NKD1: variants seen among roughly 807,000 people sequenced by gnomAD.
NKD1 encodes the protein protein naked cuticle homolog 1.
Under a neutral mutation model 56.0 loss-of-function variants are expected in NKD1, and 21 were observed. The observed-to-expected ratio is 0.38, with a 90% CI of 0.27 to 0.54. The LOEUF (loss-of-function observed/expected upper bound fraction) is 0.54, where lower values mean the gene tolerates loss of function less well. Ranked by LOEUF, NKD1 falls within the 20% of genes least tolerant of loss-of-function variation. The pLI is 0.82. For missense variants in NKD1, 578 were observed against 642.7 expected (o/e 0.90, Z 1.09); for synonymous variants, 263 against 265.7 (o/e 0.99, Z 0.10).
intron 4 of NKD1, among the ~76,000 whole-genome samples, chr16:50,611,187 C>T (rs1961838358): frequency 6.6e-6 from 1 of 152,202 alleles, no homozygotes; most frequent in African/African-American, 2.4e-5. Context: ...TGCTTCATCC[C>T]CCTCTCCCAT....
At chr16:50,630,155 C>G in intron 6 of NKD1, 31 bp from the exon 7 acceptor site, 1 of 1,610,478 alleles carries the variant, frequency 6.2e-7, no homozygotes, top group Non-Finnish European at 8.5e-7. Flanking sequence ...GACTGAAACC[C>G]TGCATGGGTC....
intron 3 of NKD1, among the ~76,000 whole-genome samples, chr16:50,589,709 CTTCTCTTCT>C (rs1961310039): frequency 4.0e-5 from 1 of 25,312 alleles, no homozygotes; most frequent in Admixed American, 4.3e-4. Flanking sequence ...CTTCTCTTCT[CTTCTCTTCT>C]CTTCTCTTCT....
At chr16:50,604,641 TC>T (rs894779989) in intron 3 of NKD1, among the ~76,000 whole-genome samples, 9 of 152,198 alleles carry the variant, frequency 5.9e-5, no homozygotes, top group African/African-American at 2.2e-4. Flanking sequence ...TAAAGTTCCT[TC>T]CCCAAGGTGG....
rs1244594230 is a variant in NKD1, at chr16:50,644,020, T to C, written c.*10239T>C. On this transcript the variant is annotated 3_prime_UTR_variant, in exon 10 of 10. Coordinates refer to ENST00000268459, the MANE Select transcript of NKD1 (RefSeq NM_033119.5). ...ACAGACTGTGAGAAGGATGTTTGTGTATAGGATGAGAACTGAACCACGAAA... is the reference window on the plus strand; with the variant it reads ...ACAGACTGTGAGAAGGATGTTTGTGCATAGGATGAGAACTGAACCACGAAA... The C allele has an allele frequency of 2.0e-5, 3 of 152,212 alleles. No homozygotes were observed. The highest frequency in any genetic ancestry group is 2.9e-5 in the Non-Finnish European group (2 of 68,036). The allele number at this position is 152,212 out of a possible 1,614,324, so 9.4% of individuals were successfully genotyped here. A position where few individuals can be genotyped will look rare whatever the true frequency, so the allele number is the denominator to read the frequency against.
rs2151281336 is a variant in NKD1 at position 50,632,221 on chromosome 16, A to G, written c.696-60A>G. On this transcript the variant is annotated intron_variant, in intron 8 of 9. Coordinates refer to ENST00000268459, the MANE Select transcript of NKD1 (RefSeq NM_033119.5). The surrounding 1 kb of genome is among the most constrained non-coding windows in gnomAD (Gnocchi z 4.1). ...CATTCTGGGGGCTTCCTAGTAGCCT[A>G]TGCGCTTGCCCCCACCTGGTGGTTG... The G allele has an allele frequency of 3.8e-6, 6 of 1,585,392 alleles. No individual in the cohort carries two copies. The highest frequency in any genetic ancestry group is 5.2e-6 in the Non-Finnish European group (6 of 1,157,072).
chr16:50,646,239 A>G lies in NKD1; in HGVS notation c.*12458A>G, dbSNP rs923075510. 1 of 152,014 alleles carries G rather than the reference A, an allele frequency of 6.6e-6. No individual in the cohort carries two copies. Among genetic ancestry groups the G allele is most frequent in the African/African-American group, 2.4e-5 (1 of 41,300 alleles). The allele number at this position is 152,014 out of a possible 1,614,324, so 9.4% of individuals were successfully genotyped here. A position where few individuals can be genotyped will look rare whatever the true frequency, so the allele number is the denominator to read the frequency against. On this transcript the variant is annotated 3_prime_UTR_variant, in exon 10 of 10. Transcript: ENST00000268459. ...AATTTATAAGCTTTGAACATTTTTT[A>G]TGGGCAGATAAGTGGGTCCTTTTCT... is the stretch of plus-strand genomic sequence containing the variant.
At chr16:50,550,762 A>G (rs1030356596) in intron 3 of NKD1, among the ~76,000 whole-genome samples, 1 of 152,044 alleles carries the variant, frequency 6.6e-6, no homozygotes, top group Non-Finnish European at 1.5e-5. Context: ...TGCCCTTTCT[A>G]GTTTTTGATC....
Position 50,647,761 on chromosome 16 carries a change from G to C in NKD1, c.*13980G>C, listed in dbSNP as rs922214258. ...GCAAACAGAAATGATTCCTACAGGG[G>C]ATACAAGCCAGGCACAGGCAGTGTC... On this transcript the variant is annotated 3_prime_UTR_variant, in exon 10 of 10. Coordinates refer to ENST00000268459, the MANE Select transcript of NKD1 (RefSeq NM_033119.5). The C allele has an allele frequency of 2.0e-5, 3 of 152,248 alleles. No individual in the cohort carries two copies. The highest frequency in any genetic ancestry group is 4.4e-5 in the Non-Finnish European group (3 of 68,080). 9.4% of individuals were successfully genotyped at this position (152,248 alleles called of 1,614,324 possible).
At chr16:50,624,138 G>A (rs926357258) in intron 5 of NKD1, among the ~76,000 whole-genome samples, 2 of 152,146 alleles carry the variant, frequency 1.3e-5, no homozygotes, top group Non-Finnish European at 2.9e-5. Flanking sequence ...CCAGCCAGGT[G>A]CCACCTTCCT....
chr16:50,553,360 G>A (rs569275658), intron 3 of NKD1: 2 of 152,354 alleles, frequency 1.3e-5, no homozygotes, highest in East Asian at 3.9e-4. Context: ...CAGCAGAGCT[G>A]CCTGAAGAAA....
At chr16:50,559,004 G>T (rs1472558129) in intron 3 of NKD1, among the ~76,000 whole-genome samples, 2 of 152,240 alleles carry the variant, frequency 1.3e-5, no homozygotes, top group African/African-American at 4.8e-5. Flanking sequence ...GGTGCCAGAG[G>T]TGTGCTTAGA....
rs1198231853 is a variant in NKD1, at chr16:50,643,516, T to C, written c.*9735T>C. The C allele has an allele frequency of 6.6e-6, 1 of 152,270 alleles. No homozygotes were observed. The highest frequency in any genetic ancestry group is 2.4e-5 in the African/African-American group (1 of 41,474). The allele number at this position is 152,270 out of a possible 1,614,324, so 9.4% of individuals were successfully genotyped here. A position where few individuals can be genotyped will look rare whatever the true frequency, so the allele number is the denominator to read the frequency against. On this transcript the variant is annotated 3_prime_UTR_variant, in exon 10 of 10. Coordinates refer to ENST00000268459, the MANE Select transcript of NKD1 (RefSeq NM_033119.5). ...GGCCGAGACCTCAGCCTCAGCAAGA[T>C]GGTGCCCCAAGCTCTCAGGGTGCCC...
chr16:50,614,854 A>G (rs915732245), intron 4 of NKD1, among the ~76,000 whole-genome samples: 3 of 152,200 alleles, frequency 2.0e-5, no homozygotes, highest in Non-Finnish European at 2.9e-5. Flanking sequence ...ATATGACCAC[A>G]TAAACACCTT....
intron 4 of NKD1, among the ~76,000 whole-genome samples, chr16:50,617,386 A>G (rs550765756): frequency 6.6e-6 from 1 of 152,356 alleles, no homozygotes; most frequent in East Asian, 1.9e-4. Context: ...TAACACAACA[A>G]ACAGTGTTTA....
At chr16:50,559,106 C>T (rs953964750) in intron 3 of NKD1, among the ~76,000 whole-genome samples, 2 of 152,212 alleles carry the variant, frequency 1.3e-5, no homozygotes, top group Non-Finnish European at 2.9e-5. Context: ...ATCTCTGATT[C>T]TCAGTTTTCA....
intron 3 of NKD1, among the ~76,000 whole-genome samples, chr16:50,587,512 T>G (rs898941165): frequency 6.6e-6 from 1 of 152,252 alleles, no homozygotes; most frequent in African/African-American, 2.4e-5. Context: ...ACTTTTGTTC[T>G]CTGGCTTCTA....
rs5816707 is a variant in NKD1, at chr16:50,598,229, C to CTGTGTGTGTGTGTG, written c.193-10044_193-10031dup. 5.6e-5 allele frequency among the ~76,000 whole-genome samples: 8 copies of CTGTGTGTGTGTGTG among 143,864 alleles called. No individual in the cohort carries two copies. The highest frequency in any genetic ancestry group is 2.1e-4 in the African/African-American group (8 of 37,854). The allele number at this position is 143,864 out of a possible 152,430, so 94.4% of individuals were successfully genotyped here. A position where few individuals can be genotyped will look rare whatever the true frequency, so the allele number is the denominator to read the frequency against. On this transcript the variant is annotated intron_variant, in intron 3 of 9. Transcript: ENST00000268459. This position sits in a 1 kb window ranked among gnomAD's most constrained non-coding sequence, Gnocchi z 4.2. Reference sequence around the variant, plus strand: ...CACTGCAGGGCCGCATGGGTGGACTCTGTGTGTGTGTGTGTGTGTGTGTGT... The same window carrying CTGTGTGTGTGTGTG: ...CACTGCAGGGCCGCATGGGTGGACTCTGTGTGTGTGTGTGTGTGTGTGTGTGTGTGTGTGTGTGT...
rs540648575 is a variant in NKD1, at chr16:50,626,834, C to T, written c.462+1254C>T. ...AGGTTACATGCACCTGCGCGGCGGTCGCAGGTTAGCACGTCTGGGCTCCAC... is the reference window on the plus strand; with the variant it reads ...AGGTTACATGCACCTGCGCGGCGGTTGCAGGTTAGCACGTCTGGGCTCCAC... On this transcript the variant is annotated intron_variant, in intron 6 of 9. Coordinates refer to ENST00000268459, the MANE Select transcript of NKD1 (RefSeq NM_033119.5). Among the ~76,000 whole-genome samples the T allele has an allele frequency of 5.3e-5, 8 of 152,264 alleles. No homozygotes were observed. In the South Asian group the frequency reaches 8.3e-4, roughly 16 times the overall value.
intron 5 of NKD1, among the ~76,000 whole-genome samples, chr16:50,622,086 G>A (rs1195485539): frequency 6.6e-6 from 1 of 152,208 alleles, no homozygotes; most frequent in Non-Finnish European, 1.5e-5. Flanking sequence ...GGGGGTGCCT[G>A]TGGGGGATCT....
Sources: gnomAD v4.1 joint callset for allele counts (sites outside exome capture counted in the v4.1 genomes callset) on GRCh38, gnomAD v4.1.1 for gene constraint, Gnocchi (gnomAD v3.1) non-coding constraint, MANE v1.5 for transcripts, NCBI Gene and HGNC (gene_info 2026-07-23, HGNC 2026-07-21) for gene names.